The following NOTCH2NLB variants were observed in gnomAD, a reference collection of about 807,000 sequenced individuals.
NOTCH2NLB encodes the protein notch 2 N-terminal like B, also known as notch homolog 2 N-terminal-like protein B.
NOTCH2NLB carries 1 observed loss-of-function variant against 14.8 expected under a neutral mutation model. The ratio of observed to expected loss-of-function variants is 0.07; its 90% CI spans 0.02 to 0.32. The LOEUF (loss-of-function observed/expected upper bound fraction) is 0.32, where lower values mean the gene tolerates loss of function less well. NOTCH2NLB is among the 10% of genes least tolerant of loss of function. NOTCH2NLB has a pLI of 1.00. For synonymous variants in NOTCH2NLB, 6 were observed against 57.5 expected (o/e 0.10, Z 4.05); for missense variants, 11 against 155.0 (o/e 0.07, Z 4.93).
downstream of NOTCH2NLB, among the ~76,000 whole-genome samples, chr1:148,605,478 G>A (rs1350435720): frequency 9.4e-4 from 135 of 143,600 alleles, 14 homozygotes; most frequent in East Asian, 3.5e-3. Flanking sequence ...AGTGTCTTGC[G>A]TTAAACTACA....
chr1:148,637,898 C>G (rs1424030151), intron 2 of NOTCH2NLB, among the ~76,000 whole-genome samples: 4 of 148,560 alleles, frequency 2.7e-5, no homozygotes, highest in African/African-American at 1.0e-4. Context: ...CAGTTTCATC[C>G]ATGTCCCTGC....
intron 1 of NOTCH2NLB, among the ~76,000 whole-genome samples, chr1:148,648,021 AT>A (rs1201572047): frequency 2.7e-5 from 4 of 146,138 alleles, no homozygotes; most frequent in African/African-American, 5.0e-5. Context: ...ATAAATGAAT[AT>A]TTTTTGTATT....
At chr1:148,638,646 A>G (rs1405576278) in intron 2 of NOTCH2NLB, among the ~76,000 whole-genome samples, 50 of 149,432 alleles carry the variant, frequency 3.3e-4, no homozygotes, top group Non-Finnish European at 5.9e-4. Context: ...CTTTACTCCA[A>G]TCCAAACAAC....
At chr1:148,633,239 A>T (rs1324841032) in intron 2 of NOTCH2NLB, among the ~76,000 whole-genome samples, 1 of 126,180 alleles carries the variant, frequency 7.9e-6, no homozygotes, top group Non-Finnish European at 1.6e-5. Flanking sequence ...CTCAAACTTA[A>T]GTCTATCTGG....
At chr1:148,670,556 A>ATATATATG in intron 1 of NOTCH2NLB, among the ~76,000 whole-genome samples, 1 of 132,140 alleles carries the variant, frequency 7.6e-6, no homozygotes, top group South Asian at 2.7e-4. Flanking sequence ...ATATATACAT[A>ATATATATG]TATATATATA....
chr1:148,674,856 G>A (rs1664823680), intron 1 of NOTCH2NLB, among the ~76,000 whole-genome samples: 1 of 144,694 alleles, frequency 6.9e-6, no homozygotes, highest in Non-Finnish European at 1.5e-5. Context: ...GACTCTCTTG[G>A]TTCAAAAAAA....
intron 1 of NOTCH2NLB, among the ~76,000 whole-genome samples, chr1:148,661,574 T>C (rs1372871214): frequency 6.7e-6 from 1 of 150,076 alleles, no homozygotes; most frequent in African/African-American, 2.4e-5. Flanking sequence ...TCTATGTACC[T>C]CACGAGTAGC....
In NOTCH2NLB at chr1:148,679,443, C is replaced by G. The variant is rs1440922159; in HGVS notation, c.3+19G>C. 12 of 1,015,638 alleles carry G rather than the reference C, an allele frequency of 1.2e-5. 1 individual carries two copies. In the African/African-American group the frequency reaches 2.3e-4, roughly 19 times the overall value. The allele number at this position is 1,015,638 out of a possible 1,614,324, so 62.9% of individuals were successfully genotyped here. On this transcript the variant is annotated intron_variant, in intron 1 of 4. Coordinates refer to ENST00000593495, the Ensembl canonical transcript of NOTCH2NLB. ...CAGCCCCGGGCGCCGCGGACAGCGC[C>G]CCTCAGCCCGATACTCACCATGCGC... is the stretch of plus-strand genomic sequence containing the variant.
At chr1:148,615,134 G>A (rs1353316086) in intron 3 of NOTCH2NLB, among the ~76,000 whole-genome samples, 7 of 142,732 alleles carry the variant, frequency 4.9e-5, no homozygotes, top group Non-Finnish European at 9.5e-5. Context: ...CCATCCTGGT[G>A]TACATATTTT....
chr1:148,612,890 GAA>G (rs1291613507), intron 3 of NOTCH2NLB, among the ~76,000 whole-genome samples: 1 of 83,150 alleles, frequency 1.2e-5, no homozygotes. Flanking sequence ...TCTCCATCAG[GAA>G]AAAAAAAAAC....
the NOTCH2NLB span, among the ~76,000 whole-genome samples, chr1:148,693,094 C>A: frequency 6.0e-5 from 7 of 116,866 alleles, no homozygotes; most frequent in South Asian, 3.3e-4. Flanking sequence ...AGCCGCCCCC[C>A]CCCCCCCACC....
At chr1:148,638,816 GA>G in intron 2 of NOTCH2NLB, among the ~76,000 whole-genome samples, 1 of 147,612 alleles carries the variant, frequency 6.8e-6, no homozygotes, top group Non-Finnish European at 1.5e-5. Flanking sequence ...TTCCTGGTAA[GA>G]AATAAAAATG....
the NOTCH2NLB span, among the ~76,000 whole-genome samples, chr1:148,691,822 C>G: frequency 9.8e-5 from 9 of 92,098 alleles, no homozygotes; most frequent in Non-Finnish European, 1.7e-4. Flanking sequence ...CACAGTAGAC[C>G]TGGTTGTTTA....
At chr1:148,674,654 C>T (rs1324420475) in intron 1 of NOTCH2NLB, among the ~76,000 whole-genome samples, 2 of 88,868 alleles carry the variant, frequency 2.3e-5, no homozygotes, top group African/African-American at 8.0e-5. Flanking sequence ...GTGACTAAGA[C>T]CTGCCGCTCA....
intron 2 of NOTCH2NLB, among the ~76,000 whole-genome samples, chr1:148,638,333 T>A (rs1364604013): frequency 6.7e-6 from 1 of 149,288 alleles, no homozygotes; most frequent in Admixed American, 6.6e-5. Flanking sequence ...AAAAAATGCA[T>A]AAGACTAAGA....
intron 1 of NOTCH2NLB, among the ~76,000 whole-genome samples, chr1:148,651,160 AAAATATAT>A (rs1480932388): frequency 7.0e-3 from 328 of 46,576 alleles, no homozygotes; most frequent in African/African-American, 0.014. Flanking sequence ...AAAAAAAAAA[AAAATATAT>A]ATATATATAT....
chr1:148,670,564 A>ATATATATG (rs1664755041), intron 1 of NOTCH2NLB, among the ~76,000 whole-genome samples: 5 of 139,116 alleles, frequency 3.6e-5, no homozygotes, highest in African/African-American at 1.0e-4. Context: ...ATATATATAT[A>ATATATATG]TATATATATA....
At chr1:148,670,539 A>AAATATATATATACACATAT (rs1445301786) in intron 1 of NOTCH2NLB, among the ~76,000 whole-genome samples, 4 of 93,470 alleles carry the variant, frequency 4.3e-5, no homozygotes, top group African/African-American at 1.3e-4. Context: ...TAAAAAAAAA[A>AAATATATATATACACATAT]ATATATATAT....
chr1:148,673,714 C>T (rs1664796848), intron 1 of NOTCH2NLB, among the ~76,000 whole-genome samples: 1 of 151,412 alleles, frequency 6.6e-6, no homozygotes, highest in African/African-American at 2.4e-5. Context: ...TACTAAGTGG[C>T]CAGCAAGTAG....
Sources: gnomAD v4.1 joint callset for allele counts (sites outside exome capture counted in the v4.1 genomes callset) on GRCh38, gnomAD v4.1.1 for gene constraint, MANE v1.5 for transcripts, NCBI Gene and HGNC (gene_info 2026-07-23, HGNC 2026-07-21) for gene names.